LRRC8D: variants seen among roughly 807,000 people sequenced by gnomAD.
The protein encoded by LRRC8D is volume-regulated anion channel subunit LRRC8D.
A neutral mutation model predicts 55.8 loss-of-function variants in LRRC8D; 20 were observed. The observed-to-expected ratio is 0.36, with a 90% CI of 0.25 to 0.52. The LOEUF is 0.52. LRRC8D is among the 20% of genes least tolerant of loss of function. The probability of loss-of-function intolerance (pLI) is 0.93; values close to 1 mark genes in which losing one functional copy is unlikely to be tolerated. For synonymous variants in LRRC8D, 352 were observed against 377.0 expected, an observed-to-expected ratio of 0.93 and a Z score of 0.77; for missense variants, 651 against 1,030.8, an observed-to-expected ratio of 0.63 and a Z score of 5.05.
At chr1:89,876,142 C>T (rs946230410) in intron 2 of LRRC8D, among the ~76,000 whole-genome samples, 4 of 152,146 alleles carry the variant, frequency 2.6e-5, no homozygotes, top group Non-Finnish European at 5.9e-5. Flanking sequence ...TTGGAAGCTT[C>T]GTCTGCTCTG....
At chr1:89,861,161 TAC>T (rs962776242) in intron 2 of LRRC8D, among the ~76,000 whole-genome samples, 9 of 152,138 alleles carry the variant, frequency 5.9e-5, no homozygotes, top group African/African-American at 1.9e-4. Flanking sequence ...TCTCTAAGGT[TAC>T]ACAGTGTGTA....
chr1:89,887,757 T>C (rs1662460236), intron 2 of LRRC8D, among the ~76,000 whole-genome samples: 1 of 152,218 alleles, frequency 6.6e-6, no homozygotes, highest in South Asian at 2.1e-4. Context: ...GCAATCAAAA[T>C]TTCTGCAGCA....
In LRRC8D at chr1:89,826,526, A is replaced by G. The variant is rs1050492892; in HGVS notation, c.-148+5235A>G. On this transcript the variant is annotated intron_variant, in intron 1 of 2. Coordinates refer to ENST00000337338, the MANE Select transcript of LRRC8D (RefSeq NM_001134479.2). ...CTCGGCCTCCCAAAGTGCTGGGATT[A>G]CAGGCATGAGCCACCGCGCCTGGCT... 5.3e-5 allele frequency among the ~76,000 whole-genome samples: 8 copies of G among 152,320 alleles called. No individual in the cohort carries two copies. The South Asian group carries it at 1.2e-3, about 24-fold the overall frequency.
intron 2 of LRRC8D, among the ~76,000 whole-genome samples, chr1:89,894,492 T>C (rs565114362): frequency 1.3e-5 from 2 of 152,326 alleles, no homozygotes; most frequent in East Asian, 1.9e-4. Context: ...GAAATTGAGA[T>C]GCTCCCTTAA....
At chr1:89,913,879 C>G (rs1384215628) in intron 2 of LRRC8D, among the ~76,000 whole-genome samples, 1 of 152,182 alleles carries the variant, frequency 6.6e-6, no homozygotes, top group East Asian at 1.9e-4. Flanking sequence ...ACATGCAGAT[C>G]CTCTCAGGCC....
intron 2 of LRRC8D, among the ~76,000 whole-genome samples, chr1:89,880,677 T>C (rs1478137006): frequency 6.6e-6 from 1 of 152,136 alleles, no homozygotes; most frequent in East Asian, 1.9e-4. Flanking sequence ...ACCAGCTAGA[T>C]ACCCTTATAT....
At chr1:89,853,831 T>TG (rs915591448) in intron 2 of LRRC8D, among the ~76,000 whole-genome samples, 5 of 151,868 alleles carry the variant, frequency 3.3e-5, no homozygotes, top group African/African-American at 1.2e-4. Flanking sequence ...AGTTAAGAAG[T>TG]GGGGGCATCA....
intron 1 of LRRC8D, among the ~76,000 whole-genome samples, chr1:89,838,706 T>C (rs1273410669): frequency 6.6e-6 from 1 of 152,216 alleles, no homozygotes; most frequent in East Asian, 1.9e-4. Context: ...CATGTCCTAC[T>C]TTACATGCAT....
Position 89,843,794 on chromosome 1 carries a change from C to A in LRRC8D, c.-3+12C>A. ...GCCGCTTGGTCCAGGTGCGCGGGGT[C>A]GGGTCTGGGTCCAGGGAGCGGGTCG... On this transcript the variant is annotated intron_variant, in intron 2 of 2. Coordinates refer to ENST00000337338, the MANE Select transcript of LRRC8D (RefSeq NM_001134479.2). 1 of 668,080 alleles carries A rather than the reference C, an allele frequency of 1.5e-6. No individual in the cohort carries two copies. The highest frequency in any genetic ancestry group is 2.7e-6 in the Non-Finnish European group (1 of 365,462). The allele number at this position is 668,080 out of a possible 1,614,324, so 41.4% of individuals were successfully genotyped here.
At chr1:89,844,364 G>C (rs1051629979) in intron 2 of LRRC8D, among the ~76,000 whole-genome samples, 1 of 152,196 alleles carries the variant, frequency 6.6e-6, no homozygotes, top group Admixed American at 6.5e-5. Flanking sequence ...GGGAAAGCCA[G>C]GCCATGCCAA....
intron 1 of LRRC8D, chr1:89,833,665 A>C (rs932121237): frequency 4.6e-5 from 7 of 152,246 alleles, no homozygotes; most frequent in East Asian, 3.9e-4. Context: ...GAGGATAAGA[A>C]GCTATTATAT....
intron 2 of LRRC8D, among the ~76,000 whole-genome samples, chr1:89,883,099 C>T (rs775319047): frequency 1.1e-4 from 16 of 152,054 alleles, no homozygotes; most frequent in African/African-American, 2.9e-4. Flanking sequence ...GAGGCTGAGA[C>T]GGGAGGATCC....
chr1:89,913,557 A>G (rs1663184382), intron 2 of LRRC8D, among the ~76,000 whole-genome samples: 1 of 152,186 alleles, frequency 6.6e-6, no homozygotes, highest in Non-Finnish European at 1.5e-5. Flanking sequence ...CTTACTCTCA[A>G]CCAGTGCATT....
Position 89,911,532 on chromosome 1 carries a change from C to T in LRRC8D, c.-2-21535C>T, listed in dbSNP as rs529054509. ...AGAAAAACATCTTGGTACTCTCTCACCCTGCTACTTCCAACTTTTACCCCT... is the reference window on the plus strand; with the variant it reads ...AGAAAAACATCTTGGTACTCTCTCATCCTGCTACTTCCAACTTTTACCCCT... On this transcript the variant is annotated intron_variant, in intron 2 of 2. Transcript: ENST00000337338. The surrounding 1 kb of genome is among the most constrained non-coding windows in gnomAD (Gnocchi z 4.0). 6.6e-6 allele frequency among the ~76,000 whole-genome samples: 1 copy of T among 152,294 alleles called. No homozygotes were observed. The highest frequency in any genetic ancestry group is 2.4e-5 in the African/African-American group (1 of 41,550).
chr1:89,924,611 T>C (rs1369340523), intron 2 of LRRC8D, among the ~76,000 whole-genome samples: 1 of 152,176 alleles, frequency 6.6e-6, no homozygotes, highest in East Asian at 1.9e-4. Flanking sequence ...AGATGTGTAC[T>C]TGTATGTTCA....
chr1:89,843,638 G>T lies in LRRC8D; in HGVS notation c.-147G>T, dbSNP rs1301451552. ...TTCTCTCCCCTGTGTTTTCAAACAG[G>T]AAGTGCACGGCTGTCTATAACGTGC... On this transcript the variant is annotated splice_region_variant and 5_prime_UTR_variant, in exon 2 of 3. Transcript: ENST00000337338. 1.4e-6 allele frequency: 1 copy of T among 702,420 alleles called. No individual in the cohort carries two copies. 43.5% of individuals were successfully genotyped at this position (702,420 alleles called of 1,614,324 possible). A position where few individuals can be genotyped will look rare whatever the true frequency, so the allele number is the denominator to read the frequency against.
At chr1:89,832,766 A>G (rs1418864092) in intron 1 of LRRC8D, among the ~76,000 whole-genome samples, 1 of 152,246 alleles carries the variant, frequency 6.6e-6, no homozygotes, top group Non-Finnish European at 1.5e-5. Flanking sequence ...ATTATGCGTT[A>G]ACAAGTTGTA....
chr1:89,874,762 G>A (rs1331508264), intron 2 of LRRC8D, among the ~76,000 whole-genome samples: 1 of 152,172 alleles, frequency 6.6e-6, no homozygotes, highest in African/African-American at 2.4e-5. Flanking sequence ...GAGTATAATT[G>A]CTGTTCATAG....
chr1:89,836,244 A>G (rs902627775), intron 1 of LRRC8D, among the ~76,000 whole-genome samples: 1 of 152,164 alleles, frequency 6.6e-6, no homozygotes, highest in South Asian at 2.1e-4. Flanking sequence ...GCTAACATTT[A>G]AAATACAATT....
Sources: gnomAD v4.1 joint callset for allele counts (sites outside exome capture counted in the v4.1 genomes callset) on GRCh38, gnomAD v4.1.1 for gene constraint, Gnocchi (gnomAD v3.1) non-coding constraint, MANE v1.5 for transcripts, NCBI Gene and HGNC (gene_info 2026-07-23, HGNC 2026-07-21) for gene names.